Variants in SLC6A6 observed in about 807,000 individuals in gnomAD.
SLC6A6 encodes the protein solute carrier family 6 member 6.
A neutral mutation model predicts 68.8 loss-of-function variants in SLC6A6; 16 were observed. That is an observed-to-expected ratio of 0.23 (90% CI 0.16 to 0.35). The LOEUF (loss-of-function observed/expected upper bound fraction) is 0.35, where lower values mean the gene tolerates loss of function less well. SLC6A6 is among the 10% of genes least tolerant of loss of function. SLC6A6 has a pLI of 1.00. For synonymous variants in SLC6A6, 312 were observed against 315.4 expected, an observed-to-expected ratio of 0.99 and a Z score of 0.12; for missense variants, 474 against 802.8, an observed-to-expected ratio of 0.59 and a Z score of 4.95.
intron 2 of SLC6A6, among the ~76,000 whole-genome samples, chr3:14,442,604 G>T (rs186818431): frequency 5.3e-5 from 8 of 152,310 alleles, no homozygotes; most frequent in South Asian, 2.1e-4. Context: ...GGCCCTCAGG[G>T]TCGAGCTGAC....
intron 2 of SLC6A6, among the ~76,000 whole-genome samples, chr3:14,419,013 A>G (rs1307614232): frequency 6.6e-6 from 1 of 152,196 alleles, no homozygotes; most frequent in Non-Finnish European, 1.5e-5. Flanking sequence ...TGCTGCCGTG[A>G]GGCTGGAATG....
At chr3:14,406,299 C>T (rs1038147779) in intron 1 of SLC6A6, among the ~76,000 whole-genome samples, 5 of 152,068 alleles carry the variant, frequency 3.3e-5, no homozygotes, top group Non-Finnish European at 5.9e-5. Context: ...TGTGAGCCAC[C>T]GTGCCAGCCG....
chr3:14,482,719 A>G (rs1701036339), intron 14 of SLC6A6, among the ~76,000 whole-genome samples: 1 of 152,172 alleles, frequency 6.6e-6, no homozygotes, highest in Non-Finnish European at 1.5e-5. Context: ...CTGGCAGGGC[A>G]GGAGGAAATC....
intron 6 of SLC6A6, 44 bp from the exon 7 acceptor site, chr3:14,466,472 G>A: frequency 6.3e-7 from 1 of 1,580,084 alleles, no homozygotes; most frequent in Admixed American, 1.7e-5. Flanking sequence ...CTTAGCAGCA[G>A]CAAGTGATGC....
At chr3:14,469,686 A>C (rs1258109881) in intron 9 of SLC6A6, among the ~76,000 whole-genome samples, 1 of 152,144 alleles carries the variant, frequency 6.6e-6, no homozygotes, top group Non-Finnish European at 1.5e-5. Context: ...GGACACATGC[A>C]ACAACCTCTG....
intron 1 of SLC6A6, among the ~76,000 whole-genome samples, chr3:14,410,244 C>T (rs898394709): frequency 1.1e-4 from 17 of 151,872 alleles, no homozygotes; most frequent in Admixed American, 2.6e-4. Context: ...CTCCCAGCCG[C>T]ACCCATCATT....
chr3:14,441,506 C>T lies in SLC6A6; in HGVS notation c.-11-2118C>T, dbSNP rs184327536. Among the ~76,000 whole-genome samples the T allele has an allele frequency of 1.4e-3, 208 of 152,300 alleles. 1 individual carries two copies. The highest frequency in any genetic ancestry group is 4.9e-3 in the African/African-American group (202 of 41,570). On this transcript the variant is annotated intron_variant, in intron 2 of 14. Transcript: ENST00000622186. ...ACAGAGGAAGGGCTCCATGAGCTGC[C>T]CAGAGGCTTCAGGAAGCCTTTCTTG... is the stretch of plus-strand genomic sequence containing the variant.
At chr3:14,444,871 G>A (rs1212633836) in intron 3 of SLC6A6, 1 of 455,390 alleles carries the variant, frequency 2.2e-6, no homozygotes, top group Non-Finnish European at 4.4e-6. Flanking sequence ...CACCAGGTAG[G>A]ATCCCCTGCC....
At chr3:14,425,975 T>C (rs1699588178) in intron 2 of SLC6A6, among the ~76,000 whole-genome samples, 1 of 152,202 alleles carries the variant, frequency 6.6e-6, no homozygotes, top group Non-Finnish European at 1.5e-5. Flanking sequence ...CTTGCAAGCA[T>C]TGAGCACTGG....
In SLC6A6 at chr3:14,468,343, C is replaced by T; in HGVS notation, c.1096+131C>T. On this transcript the variant is annotated intron_variant, in intron 9 of 14. Coordinates refer to ENST00000622186, the MANE Select transcript of SLC6A6 (RefSeq NM_003043.6). The surrounding 1 kb of genome is among the most constrained non-coding windows in gnomAD (Gnocchi z 4.5). ...CCTGGTTTCTAAAATGGACCCCCCC[C>T]CCGCCACCAAGATATCCCCCAAATT... 2.7e-6 allele frequency: 2 copies of T among 734,518 alleles called. No homozygotes were observed. Among genetic ancestry groups the T allele is most frequent in the Non-Finnish European group, 4.2e-6 (2 of 478,900 alleles). 45.5% of individuals were successfully genotyped at this position (734,518 alleles called of 1,614,324 possible). A position where few individuals can be genotyped will look rare whatever the true frequency, so the allele number is the denominator to read the frequency against.
rs1028889772 is a variant in SLC6A6 at position 14,468,345 on chromosome 3, C to A, written c.1096+133C>A. ...TGGTTTCTAAAATGGACCCCCCCCCCGCCACCAAGATATCCCCCAAATTTC... is the reference window on the plus strand; with the variant it reads ...TGGTTTCTAAAATGGACCCCCCCCCAGCCACCAAGATATCCCCCAAATTTC... On this transcript the variant is annotated intron_variant, in intron 9 of 14. Transcript: ENST00000622186. This position sits in a 1 kb window ranked among gnomAD's most constrained non-coding sequence, Gnocchi z 4.5. 2.8e-6 allele frequency: 2 copies of A among 719,442 alleles called. No homozygotes were observed. Among genetic ancestry groups the A allele is most frequent in the African/African-American group, 3.7e-5 (2 of 53,900 alleles). 44.6% of individuals were successfully genotyped at this position (719,442 alleles called of 1,614,324 possible).
At chr3:14,403,541 T>G (rs189848463) in intron 1 of SLC6A6, among the ~76,000 whole-genome samples, 1 of 152,180 alleles carries the variant, frequency 6.6e-6, no homozygotes, top group East Asian at 1.9e-4. Context: ...GGGCCGGCGC[T>G]GAGTGGGGAG....
At chr3:14,443,059 C>T (rs1379398391) in intron 2 of SLC6A6, among the ~76,000 whole-genome samples, 1 of 152,186 alleles carries the variant, frequency 6.6e-6, no homozygotes, top group African/African-American at 2.4e-5. Flanking sequence ...AGCCTGAAAC[C>T]CCATTCCTCG....
intron 4 of SLC6A6, among the ~76,000 whole-genome samples, chr3:14,447,137 G>A (rs1289732664): frequency 6.6e-6 from 1 of 151,910 alleles, no homozygotes. Context: ...CAATTTAGCT[G>A]TTTATCCATT....
chr3:14,427,837 C>G (rs1041871118), intron 2 of SLC6A6, among the ~76,000 whole-genome samples: 3 of 152,186 alleles, frequency 2.0e-5, no homozygotes, highest in Admixed American at 2.0e-4. Context: ...CAGCAAAGTC[C>G]TTTTCTACTC....
intron 2 of SLC6A6, among the ~76,000 whole-genome samples, chr3:14,420,062 C>G (rs1431204436): frequency 2.0e-5 from 3 of 152,164 alleles, no homozygotes; most frequent in African/African-American, 7.2e-5. Flanking sequence ...AACAGAAGTG[C>G]CAACCTCAAC....
chr3:14,458,275 G>T (rs1367336635), intron 6 of SLC6A6, among the ~76,000 whole-genome samples, 193 bp downstream of exon 6: 1 of 152,210 alleles, frequency 6.6e-6, no homozygotes, highest in African/African-American at 2.4e-5. Flanking sequence ...TGGTGTCAGT[G>T]CTCCCACCAT....
intron 3 of SLC6A6, 78 bp downstream of exon 3, chr3:14,443,941 G>A (rs1700051742): frequency 1.9e-6 from 2 of 1,033,466 alleles, no homozygotes; most frequent in Middle Eastern, 2.0e-4. Context: ...CCAGAGCGTG[G>A]GTGGCCTCTC....
chr3:14,411,783 A>C (rs1469167963), intron 1 of SLC6A6, among the ~76,000 whole-genome samples: 2 of 152,196 alleles, frequency 1.3e-5, no homozygotes, highest in Admixed American at 6.5e-5. Context: ...CCATCCATCC[A>C]TCTCACAAAT....
Sources: allele counts gnomAD v4.1 joint callset (sites outside exome capture counted in the v4.1 genomes callset), GRCh38; gene constraint gnomAD v4.1.1; non-coding constraint Gnocchi (gnomAD v3.1); transcripts MANE v1.5; gene names NCBI Gene and HGNC (gene_info 2026-07-23, HGNC 2026-07-21).